GRIK3: variants seen among roughly 807,000 people sequenced by gnomAD.
GRIK3 encodes glutamate ionotropic receptor kainate type subunit 3.
A neutral mutation model predicts 102.5 loss-of-function variants in GRIK3; 29 were observed. That is an observed-to-expected ratio of 0.28 (90% confidence interval 0.21 to 0.39). GRIK3 has a LOEUF of 0.39. GRIK3 is among the 10% of genes least tolerant of loss of function. The pLI is 1.00. For synonymous variants in GRIK3, 511 were observed against 504.9 expected, an observed-to-expected ratio of 1.01 and a Z score of -0.16; for missense variants, 908 against 1,252.4, an observed-to-expected ratio of 0.73 and a Z score of 4.15.
intron 7 of GRIK3, 38 bp downstream of exon 7, chr1:36,859,070 C>T (rs767561421): frequency 3.9e-5 from 61 of 1,558,294 alleles, no homozygotes; most frequent in South Asian, 1.1e-4. Context: ...CCCACAGTCC[C>T]GGGGAGACAA....
chr1:36,932,495 G>A (rs1229063711), intron 1 of GRIK3, among the ~76,000 whole-genome samples: 1 of 152,206 alleles, frequency 6.6e-6, no homozygotes, highest in Admixed American at 6.5e-5. Context: ...GACACTGGAA[G>A]TTCTGCATCC....
intron 1 of GRIK3, among the ~76,000 whole-genome samples, chr1:36,993,278 C>T (rs7525359): frequency 0.43 from 65,647 of 151,860 alleles, 16,197 homozygotes; most frequent in African/African-American, 0.67. Flanking sequence ...TGTTTTATTT[C>T]TATTTAGATA....
intron 3 of GRIK3, among the ~76,000 whole-genome samples, chr1:36,873,590 G>A (rs905860934): frequency 6.6e-6 from 1 of 152,002 alleles, no homozygotes; most frequent in Non-Finnish European, 1.5e-5. Context: ...TCATCCCCAG[G>A]ACTCAGTGTC....
intron 1 of GRIK3, among the ~76,000 whole-genome samples, chr1:37,017,145 G>T (rs1642659598): frequency 6.6e-6 from 1 of 151,650 alleles, no homozygotes; most frequent in Non-Finnish European, 1.5e-5. Flanking sequence ...GAACCTAGAG[G>T]TGGGGGTTGC....
At chr1:36,995,075 C>A (rs1204529767) in intron 1 of GRIK3, among the ~76,000 whole-genome samples, 2 of 152,150 alleles carry the variant, frequency 1.3e-5, no homozygotes, top group African/African-American at 4.8e-5. Context: ...TTCACAGATG[C>A]CCACCAGAGG....
chr1:36,887,160 T>C (rs2124269515), intron 2 of GRIK3, among the ~76,000 whole-genome samples: 1 of 152,238 alleles, frequency 6.6e-6, no homozygotes, highest in East Asian at 1.9e-4. Flanking sequence ...CCCAAACCCC[T>C]GCCTCCCACC....
intron 1 of GRIK3, among the ~76,000 whole-genome samples, chr1:36,935,427 C>T (rs1004977467): frequency 1.3e-5 from 2 of 152,182 alleles, no homozygotes; most frequent in African/African-American, 2.4e-5. Context: ...GAATTCTCCA[C>T]CACATTTGGA....
Position 36,797,824 on chromosome 1 carries a change from T to C in GRIK3, c.*4027A>G, listed in dbSNP as rs1421220069. 1 of 152,268 alleles carries C rather than the reference T, an allele frequency of 6.6e-6. No homozygotes were observed. The highest frequency in any genetic ancestry group is 1.5e-5 in the Non-Finnish European group (1 of 68,182). The allele number at this position is 152,268 out of a possible 1,614,324, so 9.4% of individuals were successfully genotyped here. ...CCCACACCCAGTACCCCTGGAAAAGTAGGCAGAAAGGGAGCTTTTGATCGT... is the reference window on the plus strand; with the variant it reads ...CCCACACCCAGTACCCCTGGAAAAGCAGGCAGAAAGGGAGCTTTTGATCGT... On this transcript the variant is annotated 3_prime_UTR_variant, in exon 16 of 16. Transcript: ENST00000373091.
rs761327294 is a variant in GRIK3, at chr1:36,880,604, C to T, written c.550+30G>A. On this transcript the variant is annotated intron_variant, in intron 3 of 15. Transcript: ENST00000373091. This position sits in a 1 kb window ranked among gnomAD's most constrained non-coding sequence, Gnocchi z 5.4. ...GGGCCTCTGCCCCCCTCAACCGTTG[C>T]CCCCAGCCTAGCCAGGCCTGGCCAC... The T allele has an allele frequency of 3.7e-6, 6 of 1,607,736 alleles. No homozygotes were observed. The South Asian group carries it at 5.5e-5, about 15-fold the overall frequency.
intron 5 of GRIK3, among the ~76,000 whole-genome samples, chr1:36,860,378 G>T (rs1163494000): frequency 1.3e-5 from 2 of 152,224 alleles, no homozygotes; most frequent in Non-Finnish European, 2.9e-5. Flanking sequence ...CTTTCAAAAG[G>T]GGAGACCTAC....
chr1:36,887,152 C>T (rs1641046841), intron 2 of GRIK3, among the ~76,000 whole-genome samples: 1 of 152,078 alleles, frequency 6.6e-6, no homozygotes, highest in Non-Finnish European at 1.5e-5. Context: ...AAAATAAGCC[C>T]AAACCCCTGC....
intron 1 of GRIK3, among the ~76,000 whole-genome samples, chr1:36,946,574 A>T (rs1557435667): frequency 6.6e-6 from 1 of 152,208 alleles, no homozygotes; most frequent in Non-Finnish European, 1.5e-5. Context: ...CATGGGAAGG[A>T]TCTATCTGGG....
chr1:36,993,118 G>C (rs1642380399), intron 1 of GRIK3, among the ~76,000 whole-genome samples: 1 of 152,174 alleles, frequency 6.6e-6, no homozygotes, highest in African/African-American at 2.4e-5. Context: ...TGGAAGAAGA[G>C]CCAGAGAGGT....
At chr1:36,868,192 A>G (rs1640806676) in intron 5 of GRIK3, among the ~76,000 whole-genome samples, 2 of 152,176 alleles carry the variant, frequency 1.3e-5, no homozygotes, top group African/African-American at 4.8e-5. Context: ...CCACCTTCCC[A>G]GTCTTGCTCC....
At chr1:36,958,534 CCG>C (rs1197906289) in intron 1 of GRIK3, among the ~76,000 whole-genome samples, 3 of 150,770 alleles carry the variant, frequency 2.0e-5, no homozygotes, top group African/African-American at 4.9e-5. Flanking sequence ...CCTGTGTGTC[CCG>C]TGAGCCTGTG....
chr1:36,917,681 T>C (rs1314515195), intron 1 of GRIK3, among the ~76,000 whole-genome samples: 1 of 152,238 alleles, frequency 6.6e-6, no homozygotes, highest in Non-Finnish European at 1.5e-5. Context: ...TTGTAAAGCC[T>C]TCCAGCCACA....
chr1:36,812,886 C>T (rs999812434), intron 13 of GRIK3, among the ~76,000 whole-genome samples: 16 of 152,238 alleles, frequency 1.1e-4, no homozygotes, highest in Non-Finnish European at 1.9e-4. Context: ...TCCTAGTCCT[C>T]GATATTATCT....
chr1:36,976,856 C>A (rs936936997), intron 1 of GRIK3, among the ~76,000 whole-genome samples: 2 of 152,190 alleles, frequency 1.3e-5, no homozygotes, highest in African/African-American at 4.8e-5. Context: ...CCTCCCCAGT[C>A]ACCCACACTT....
Position 36,868,752 on chromosome 1 carries a change from G to T in GRIK3, c.786+996C>A, listed in dbSNP as rs371294178. 5.3e-5 allele frequency among the ~76,000 whole-genome samples: 8 copies of T among 152,292 alleles called. 1 individual carries two copies. Among genetic ancestry groups the T allele is most frequent in the African/African-American group, 1.7e-4 (7 of 41,578 alleles). ...CAATGTCCTTCCTCTTTCTCCCTTG[G>T]TGAACTCCTATGGATCTTTCGAGGC... is the stretch of plus-strand genomic sequence containing the variant. On this transcript the variant is annotated intron_variant, in intron 5 of 15. Coordinates refer to ENST00000373091, the MANE Select transcript of GRIK3 (RefSeq NM_000831.4).
Sources: gnomAD v4.1 joint callset for allele counts (sites outside exome capture counted in the v4.1 genomes callset) on GRCh38, gnomAD v4.1.1 for gene constraint, Gnocchi (gnomAD v3.1) non-coding constraint, MANE v1.5 for transcripts, NCBI Gene and HGNC (gene_info 2026-07-23, HGNC 2026-07-21) for gene names.